PCDHA5: variants seen among roughly 807,000 people sequenced by gnomAD.
PCDHA5 encodes the protein protocadherin alpha 5.
PCDHA5 carries 43 observed loss-of-function variants against 61.6 expected under a neutral mutation model. The observed-to-expected ratio is 0.70, with a 90% confidence interval of 0.55 to 0.90. PCDHA5 has a LOEUF of 0.90. Among genes scored for constraint, PCDHA5 ranks in the 40% least tolerant of loss-of-function variants. The pLI is 0.00. For synonymous variants in PCDHA5, 627 were observed against 543.9 expected, an observed-to-expected ratio of 1.15 and a Z score of -2.13; for missense variants, 1,298 against 1,222.7, an observed-to-expected ratio of 1.06 and a Z score of -0.92.
At chr5:140,888,994 T>G (rs1486471421) in intron 1 of PCDHA5, among the ~76,000 whole-genome samples, 1 of 152,272 alleles carries the variant, frequency 6.6e-6, no homozygotes, top group African/African-American at 2.4e-5. Context: ...TATGATTTTC[T>G]TATGGCAAAC....
intron 3 of PCDHA5, among the ~76,000 whole-genome samples, chr5:141,007,174 G>A (rs926344346): frequency 6.6e-6 from 1 of 152,118 alleles, no homozygotes; most frequent in African/African-American, 2.4e-5. Context: ...AGAGAGAAAG[G>A]TCAGGAGAAT....
In PCDHA5 at chr5:141,002,285, A is replaced by C. The variant is rs2098070605; in HGVS notation, c.2501-7342A>C. On this transcript the variant is annotated intron_variant, in intron 3 of 3. Coordinates refer to ENST00000529859, the MANE Select transcript of PCDHA5 (RefSeq NM_018908.3). ...CCCAGAGCTGGTAACAAAGGGATGA[A>C]TGGGGAGCAAAGGGGCGGGGCCGAA... 4.6e-5 allele frequency among the ~76,000 whole-genome samples: 7 copies of C among 152,158 alleles called. No individual in the cohort carries two copies. In the South Asian group the frequency reaches 1.4e-3, roughly 31 times the overall value.
intron 3 of PCDHA5, among the ~76,000 whole-genome samples, chr5:140,999,676 C>T: frequency 6.6e-6 from 1 of 152,086 alleles, no homozygotes; most frequent in East Asian, 1.9e-4. Flanking sequence ...GGGGGGCTCA[C>T]AGAAAGAAGA....
intron 1 of PCDHA5, among the ~76,000 whole-genome samples, chr5:140,886,130 C>T (rs2060865178): frequency 6.6e-6 from 1 of 152,144 alleles, no homozygotes; most frequent in African/African-American, 2.4e-5. Flanking sequence ...TCCGTAACAA[C>T]CAGATTCTTG....
At chr5:140,990,893 T>C (rs1554251806) in intron 3 of PCDHA5, among the ~76,000 whole-genome samples, 1 of 152,178 alleles carries the variant, frequency 6.6e-6, no homozygotes, top group East Asian at 1.9e-4. Context: ...GAGTGGGTCG[T>C]TGCTGGGTCA....
chr5:140,890,068 T>C (rs1353953909), intron 1 of PCDHA5, among the ~76,000 whole-genome samples: 2 of 152,196 alleles, frequency 1.3e-5, no homozygotes, highest in African/African-American at 4.8e-5. Flanking sequence ...TTTACTGGCT[T>C]ATGAGAACTG....
At chr5:140,876,133 GAACT>G (rs782651538) in intron 1 of PCDHA5, 8 of 1,613,820 alleles carry the variant, frequency 5.0e-6, no homozygotes, top group East Asian at 2.2e-5. Flanking sequence ...CGGTAAACCA[GAACT>G]AACAGGGTCT....
At chr5:140,888,938 G>T (rs947628683) in intron 1 of PCDHA5, among the ~76,000 whole-genome samples, 1 of 151,864 alleles carries the variant, frequency 6.6e-6, no homozygotes, top group Admixed American at 6.6e-5. Flanking sequence ...TTTGAGGGAG[G>T]TATAAATTTT....
At chr5:140,863,065 G>C (rs2047759481) in intron 1 of PCDHA5, 1 of 566,972 alleles carries the variant, frequency 1.8e-6, no homozygotes, top group Non-Finnish European at 3.5e-6. Flanking sequence ...GTTCCACGTG[G>C]GGCTCTGCAC....
intron 3 of PCDHA5, among the ~76,000 whole-genome samples, chr5:140,986,365 C>T (rs530102099): frequency 2.0e-5 from 3 of 152,194 alleles, no homozygotes; most frequent in Non-Finnish European, 2.9e-5. Flanking sequence ...TGGAGGAATG[C>T]GTTTTGGGGG....
intron 1 of PCDHA5, chr5:140,876,005 T>C: frequency 6.2e-7 from 1 of 1,613,854 alleles, no homozygotes; most frequent in African/African-American, 1.3e-5. Context: ...AATGAGAATT[T>C]TGAGCTTAAA....
chr5:140,875,783 T>C (rs782000038), intron 1 of PCDHA5: 4 of 1,614,050 alleles, frequency 2.5e-6, no homozygotes, highest in Non-Finnish European at 3.4e-6. Flanking sequence ...GAGTGCAGTA[T>C]CCACCTGGAG....
At chr5:140,983,739 G>A (rs983923811) in intron 3 of PCDHA5, among the ~76,000 whole-genome samples, 1 of 152,194 alleles carries the variant, frequency 6.6e-6, no homozygotes, top group African/African-American at 2.4e-5. Context: ...TGGCTGGCTT[G>A]CAATAATCCA....
rs1272799738 is a variant in PCDHA5 at position 140,969,033 on chromosome 5, T to C, written c.2353-9916T>C. On this transcript the variant is annotated intron_variant, in intron 1 of 3. Coordinates refer to ENST00000529859, the MANE Select transcript of PCDHA5 (RefSeq NM_018908.3). ...GTAAGGGAAAGGTCCCCTGCAGAAC[T>C]GTACAAACAAGCCAACAACAATATT... 5 of 1,614,028 alleles carry C rather than the reference T, an allele frequency of 3.1e-6. No individual in the cohort carries two copies. Among genetic ancestry groups the C allele is most frequent in the Admixed American group, 3.3e-5 (2 of 60,006 alleles).
intron 1 of PCDHA5, among the ~76,000 whole-genome samples, chr5:140,899,663 C>T (rs1583349850): frequency 1.3e-5 from 2 of 152,176 alleles, no homozygotes; most frequent in African/African-American, 4.8e-5. Flanking sequence ...TGTCTCTGCC[C>T]GGCTTTGGTA....
At chr5:140,836,198 G>A in intron 1 of PCDHA5, 2 of 1,613,862 alleles carry the variant, frequency 1.2e-6, no homozygotes, top group Non-Finnish European at 1.7e-6. Context: ...GCTACAACGC[G>A]TGGCTTTCGT....
Position 140,873,293 on chromosome 5 carries a change from A to G in PCDHA5, c.2352+49166A>G, listed in dbSNP as rs189607123. Reference sequence around the variant, plus strand: ...ACCATCATACCACTTATGAAACTTTATAAATATAATAAAGGTGAATATTAG... The same window carrying G: ...ACCATCATACCACTTATGAAACTTTGTAAATATAATAAAGGTGAATATTAG... On this transcript the variant is annotated intron_variant, in intron 1 of 3. Transcript: ENST00000529859. Among the ~76,000 whole-genome samples, 54 of 152,366 alleles carry G rather than the reference A, an allele frequency of 3.5e-4. No homozygotes were observed. In the East Asian group the frequency reaches 0.01, roughly 29 times the overall value.
chr5:140,877,014 C>A lies in PCDHA5; in HGVS notation c.2352+52887C>A, dbSNP rs559122507. On this transcript the variant is annotated intron_variant, in intron 1 of 3. Coordinates refer to ENST00000529859, the MANE Select transcript of PCDHA5 (RefSeq NM_018908.3). ...GCTACGTGTCGGTGCACGCGGAGAG[C>A]GGCAAGGTGTACGCGCTGCAGCCGC... is the stretch of plus-strand genomic sequence containing the variant. 5 of 1,612,440 alleles carry A rather than the reference C, an allele frequency of 3.1e-6. No homozygotes were observed. In the African/African-American group the frequency reaches 4.0e-5, roughly 13 times the overall value.
At position 140,969,285 on chromosome 5, in the gene PCDHA5, C is replaced by T. The variant is rs782734189; in HGVS notation, c.2353-9664C>T. The stretch of plus-strand genomic sequence containing the variant: ...CTCACAGGCCAAAGTGGTCAGAATG[C>T]TGGGAACCTGATTATTCTCAAAAAT... On this transcript the variant is annotated intron_variant, in intron 1 of 3. Coordinates refer to ENST00000529859, the MANE Select transcript of PCDHA5 (RefSeq NM_018908.3). 51 of 1,614,062 alleles carry T rather than the reference C, an allele frequency of 3.2e-5. No individual in the cohort carries two copies. The highest frequency in any genetic ancestry group is 4.3e-5 in the Non-Finnish European group (51 of 1,180,038).
Sources: allele counts gnomAD v4.1 joint callset (sites outside exome capture counted in the v4.1 genomes callset), GRCh38; gene constraint gnomAD v4.1.1; transcripts MANE v1.5; gene names NCBI Gene and HGNC (gene_info 2026-07-23, HGNC 2026-07-21).